Variants in NLGN4Y observed in about 807,000 individuals in gnomAD.
NLGN4Y encodes the protein neuroligin 4 Y-linked.
A neutral mutation model predicts 8.4 loss-of-function variants in NLGN4Y; 4 were observed. That is an observed-to-expected ratio of 0.48 (90% CI 0.23 to 1.09). NLGN4Y has a LOEUF of 1.09. Among genes scored for constraint, NLGN4Y ranks in the 50% least tolerant of loss-of-function variants. NLGN4Y has a pLI of 0.19. For missense variants in NLGN4Y, 90 were observed against 192.3 expected (o/e 0.47, Z 3.15); for synonymous variants, 35 against 75.6 (o/e 0.46, Z 2.78).
chrY:14,755,130 C>T (rs2150567513), intron 4 of NLGN4Y, among the ~76,000 whole-genome samples: 1 of 32,739 alleles, frequency 3.1e-5, no homozygotes, highest in African/African-American at 1.2e-4. Context: ...TTGTGTTTGA[C>T]GTGCTTATCA....
chrY:14,571,609 C>A, intron 1 of NLGN4Y, among the ~76,000 whole-genome samples: 2 of 33,168 alleles, frequency 6.0e-5, no homozygotes, highest in Admixed American at 2.8e-4. Flanking sequence ...TAATTAGATC[C>A]CATTTGTCAA....
At chrY:14,667,415 A>C (rs368656228) in intron 2 of NLGN4Y, among the ~76,000 whole-genome samples, 261 of 32,534 alleles carry the variant, frequency 8.0e-3, no homozygotes, top group African/African-American at 0.029. Context: ...ACACACACAC[A>C]CCCCCACACA....
intron 1 of NLGN4Y, among the ~76,000 whole-genome samples, chrY:14,559,641 A>G: frequency 3.0e-5 from 1 of 32,833 alleles, no homozygotes; most frequent in Non-Finnish European, 7.5e-5. Context: ...ATAGTGAGGC[A>G]TGTCCAATCC....
chrY:14,752,775 A>G, intron 4 of NLGN4Y, among the ~76,000 whole-genome samples: 1 of 33,795 alleles, frequency 3.0e-5, no homozygotes, highest in South Asian at 6.5e-4. Context: ...ACACACTCCT[A>G]TCAACTGTGA....
At chrY:14,736,960 A>G in intron 4 of NLGN4Y, among the ~76,000 whole-genome samples, 1 of 33,400 alleles carries the variant, frequency 3.0e-5, no homozygotes, top group Non-Finnish European at 7.4e-5. Context: ...ATGGTCTACA[A>G]TATTTTCTTA....
intron 4 of NLGN4Y, among the ~76,000 whole-genome samples, chrY:14,728,379 T>C (rs773975301): frequency 2.9e-5 from 1 of 34,097 alleles, no homozygotes; most frequent in East Asian, 7.8e-4. Context: ...AAAGCAGGTA[T>C]TCCAAGAGAT....
At chrY:14,554,755 C>T in intron 1 of NLGN4Y, among the ~76,000 whole-genome samples, 1 of 33,375 alleles carries the variant, frequency 3.0e-5, no homozygotes, top group Non-Finnish European at 7.4e-5. Context: ...TTCATTCTGC[C>T]AGCAGATTAG....
At chrY:14,681,205 G>T in intron 2 of NLGN4Y, among the ~76,000 whole-genome samples, 1 of 33,562 alleles carries the variant, frequency 3.0e-5, no homozygotes, top group Non-Finnish European at 7.4e-5. Context: ...AAAGGAAGAA[G>T]GTTTAACTGA....
At chrY:14,764,700 G>A (rs2081089196) in intron 4 of NLGN4Y, among the ~76,000 whole-genome samples, 1 of 34,101 alleles carries the variant, frequency 2.9e-5, no homozygotes, top group African/African-American at 1.1e-4. Context: ...ACTTCTCCCT[G>A]TGTCCCCACA....
chrY:14,833,634 C>T, intron 6 of NLGN4Y, among the ~76,000 whole-genome samples: 2 of 33,493 alleles, frequency 6.0e-5, no homozygotes, highest in Non-Finnish European at 1.5e-4. Context: ...ATCTGTTACC[C>T]CTTTCTTTGA....
intron 2 of NLGN4Y, among the ~76,000 whole-genome samples, chrY:14,672,103 C>A (rs2080713096): frequency 3.0e-5 from 1 of 33,061 alleles, no homozygotes; most frequent in South Asian, 6.7e-4. Flanking sequence ...TGTTACATTT[C>A]CTATTATTCA....
intron 4 of NLGN4Y, among the ~76,000 whole-genome samples, chrY:14,743,281 G>A (rs2081012867): frequency 3.1e-5 from 1 of 32,498 alleles, no homozygotes; most frequent in South Asian, 6.8e-4. Flanking sequence ...ATCACTTGAG[G>A]GAAAGAGTTT....
chrY:14,670,202 A>C, intron 2 of NLGN4Y, among the ~76,000 whole-genome samples: 4 of 34,305 alleles, frequency 1.2e-4, no homozygotes, highest in Non-Finnish European at 2.9e-4. Flanking sequence ...CATGTTAAAA[A>C]GCAAACTGTG....
In NLGN4Y at chrY:14,844,079, A is replaced by G; in HGVS notation, c.*2817A>G. 1 of 111,584 alleles carries G rather than the reference A, an allele frequency of 9.0e-6. No homozygotes were observed. Among genetic ancestry groups the G allele is most frequent in the Non-Finnish European group, 1.9e-5 (1 of 53,501 alleles). The allele number at this position is 111,584 out of a possible 400,897, so 27.8% of individuals were successfully genotyped here. A position where few individuals can be genotyped will look rare whatever the true frequency, so the allele number is the denominator to read the frequency against. On this transcript the variant is annotated 3_prime_UTR_variant, in exon 7 of 7. Transcript: ENST00000684976. The stretch of plus-strand genomic sequence containing the variant: ...CATGGTAGCTCTCACATAGGCTACA[A>G]ATGGATAAATACATTTGGTAATGGG...
rs1466650829 is a variant in NLGN4Y at position 14,842,325 on chromosome Y, A to G, written c.*1063A>G. 1.7e-5 allele frequency: 2 copies of G among 120,879 alleles called. No homozygotes were observed. The highest frequency in any genetic ancestry group is 1.0e-4 in the Admixed American group (1 of 9,711). The allele number at this position is 120,879 out of a possible 400,897, so 30.2% of individuals were successfully genotyped here. The stretch of plus-strand genomic sequence containing the variant: ...AGACACACACAAAGAATCAGCAGAG[A>G]AAACAAAATACAAGTCCTGTTCTGT... On this transcript the variant is annotated 3_prime_UTR_variant, in exon 7 of 7. Transcript: ENST00000684976.
chrY:14,696,044 A>C (rs2080826629), intron 2 of NLGN4Y, among the ~76,000 whole-genome samples: 2 of 33,008 alleles, frequency 6.1e-5, no homozygotes, highest in Non-Finnish European at 1.5e-4. Context: ...ACCATCTTCC[A>C]ATATGTTCAT....
chrY:14,780,424 T>C (rs1016267629), intron 4 of NLGN4Y, among the ~76,000 whole-genome samples: 2 of 32,858 alleles, frequency 6.1e-5, no homozygotes, highest in African/African-American at 1.2e-4. Context: ...TTTGTGGTAG[T>C]TGGGAGGATG....
chrY:14,742,871 A>G (rs767034846), intron 4 of NLGN4Y, among the ~76,000 whole-genome samples: 1 of 32,270 alleles, frequency 3.1e-5, no homozygotes, highest in African/African-American at 1.2e-4. Context: ...TCTATATATA[A>G]TTTTCATATA....
chrY:14,695,344 C>G (rs1603502780), intron 2 of NLGN4Y, among the ~76,000 whole-genome samples: 1 of 33,385 alleles, frequency 3.0e-5, no homozygotes, highest in Non-Finnish European at 7.4e-5. Flanking sequence ...GGCATCAGTT[C>G]TAAATATAAC....
Sources: allele counts gnomAD v4.1 joint callset (sites outside exome capture counted in the v4.1 genomes callset), GRCh38; gene constraint gnomAD v4.1.1; transcripts MANE v1.5; gene names NCBI Gene and HGNC (gene_info 2026-07-23, HGNC 2026-07-21).